The following CELF4 variants were observed in gnomAD, a reference collection of about 807,000 sequenced individuals.
CELF4 encodes CUGBP Elav-like family member 4.
CELF4 carries 18 observed loss-of-function variants against 59.9 expected under a neutral mutation model. The observed-to-expected ratio is 0.30, with a 90% CI of 0.21 to 0.45. The LOEUF (loss-of-function observed/expected upper bound fraction) is 0.45. CELF4 is among the 20% of genes least tolerant of loss of function. The pLI is 1.00. For synonymous variants in CELF4, 261 were observed against 267.1 expected, an observed-to-expected ratio of 0.98 and a Z score of 0.22; for missense variants, 456 against 689.0, an observed-to-expected ratio of 0.66 and a Z score of 3.79.
chr18:37,379,767 G>A (rs1323846353), intron 2 of CELF4, among the ~76,000 whole-genome samples: 1 of 152,168 alleles, frequency 6.6e-6, no homozygotes, highest in East Asian at 1.9e-4. Flanking sequence ...GAGCTGGAGA[G>A]GTTCTCCTGA....
At chr18:37,377,725 G>T (rs1309152957) in intron 2 of CELF4, among the ~76,000 whole-genome samples, 1 of 152,220 alleles carries the variant, frequency 6.6e-6, no homozygotes, top group Non-Finnish European at 1.5e-5. Context: ...TGCCTTTGGG[G>T]TTGGGGTCAG....
chr18:37,323,801 C>T (rs1352115522), intron 2 of CELF4, among the ~76,000 whole-genome samples: 2 of 152,182 alleles, frequency 1.3e-5, no homozygotes, highest in Non-Finnish European at 2.9e-5. Context: ...TTATATCCAT[C>T]TTTTCAATGA....
chr18:37,405,098 C>CCG (rs1557414472), intron 2 of CELF4, among the ~76,000 whole-genome samples: 5 of 152,174 alleles, frequency 3.3e-5, no homozygotes, highest in African/African-American at 1.2e-4. Context: ...CCCAACCCCC[C>CCG]CCGTGTCCTT....
intron 1 of CELF4, among the ~76,000 whole-genome samples, chr18:37,524,777 C>A (rs930298892): frequency 6.6e-6 from 1 of 152,182 alleles, no homozygotes; most frequent in African/African-American, 2.4e-5. Flanking sequence ...AGCCGCAGGC[C>A]GCTGGGGTGC....
intron 1 of CELF4, among the ~76,000 whole-genome samples, chr18:37,512,823 C>T (rs1452982804): frequency 6.6e-6 from 1 of 151,742 alleles, no homozygotes; most frequent in African/African-American, 2.4e-5. Flanking sequence ...TCTTGTTCTT[C>T]TTCCTCCTCT....
intron 1 of CELF4, among the ~76,000 whole-genome samples, chr18:37,543,388 G>A (rs1426850840): frequency 6.6e-6 from 1 of 152,190 alleles, no homozygotes; most frequent in African/African-American, 2.4e-5. Context: ...CCCCAAGCAG[G>A]TGAGGGACAC....
chr18:37,368,225 G>C (rs924797302), intron 2 of CELF4, among the ~76,000 whole-genome samples: 4 of 152,110 alleles, frequency 2.6e-5, no homozygotes, highest in Admixed American at 1.3e-4. Context: ...GCCCAACTTT[G>C]TGAGGCTTTG....
At chr18:37,390,574 G>A (rs1035626139) in intron 2 of CELF4, among the ~76,000 whole-genome samples, 1 of 152,130 alleles carries the variant, frequency 6.6e-6, no homozygotes, top group African/African-American at 2.4e-5. Context: ...ATGTGCTAGG[G>A]TGGAGGGGGC....
chr18:37,416,173 T>G (rs936504089), intron 2 of CELF4, among the ~76,000 whole-genome samples: 12 of 124,020 alleles, frequency 9.7e-5, no homozygotes, highest in Non-Finnish European at 2.0e-4. Flanking sequence ...TGGGGCCATT[T>G]GAGGTCATCC....
intron 2 of CELF4, among the ~76,000 whole-genome samples, chr18:37,396,861 C>A (rs1013060383): frequency 6.6e-6 from 1 of 152,194 alleles, no homozygotes; most frequent in African/African-American, 2.4e-5. Flanking sequence ...AGCCAAGAAC[C>A]TATCCTTTGT....
At chr18:37,460,270 A>G (rs2099789943) in intron 2 of CELF4, among the ~76,000 whole-genome samples, 9 of 152,194 alleles carry the variant, frequency 5.9e-5, no homozygotes, top group Admixed American at 5.9e-4. Context: ...GAGTTATTCA[A>G]ATAACTCCCT....
At chr18:37,495,877 G>A (rs1469232121) in intron 1 of CELF4, among the ~76,000 whole-genome samples, 5 of 152,110 alleles carry the variant, frequency 3.3e-5, no homozygotes, top group East Asian at 1.9e-4. Flanking sequence ...TGGGGGGTGC[G>A]ATGGGCTTCT....
chr18:37,297,290 C>T (rs1352402055), intron 3 of CELF4, among the ~76,000 whole-genome samples: 1 of 152,214 alleles, frequency 6.6e-6, no homozygotes, highest in Non-Finnish European at 1.5e-5. Flanking sequence ...CCTTGAATCC[C>T]ACCATTAGAG....
intron 2 of CELF4, among the ~76,000 whole-genome samples, chr18:37,383,679 T>G (rs1046697615): frequency 1.3e-5 from 2 of 152,180 alleles, no homozygotes; most frequent in African/African-American, 4.8e-5. Context: ...CTCGTTTGAT[T>G]CCCATGATAG....
intron 12 of CELF4, among the ~76,000 whole-genome samples, chr18:37,251,888 T>C (rs2065750596): frequency 6.6e-6 from 1 of 152,108 alleles, no homozygotes; most frequent in South Asian, 2.1e-4. Flanking sequence ...ACATGTGTGT[T>C]TGCATCTGGA....
chr18:37,368,694 G>A (rs1181848881), intron 2 of CELF4, among the ~76,000 whole-genome samples: 6 of 152,182 alleles, frequency 3.9e-5, no homozygotes, highest in South Asian at 4.1e-4. Context: ...TCACCTCAGC[G>A]TGCAAGGAGC....
intron 6 of CELF4, chr18:37,273,447 G>A: frequency 8.6e-7 from 1 of 1,160,336 alleles, no homozygotes; most frequent in South Asian, 3.1e-5. Context: ...GTGGGTGCTA[G>A]TCAGCCCTGT....
At chr18:37,413,366 A>T (rs1233220016) in intron 2 of CELF4, among the ~76,000 whole-genome samples, 1 of 151,840 alleles carries the variant, frequency 6.6e-6, no homozygotes, top group East Asian at 1.9e-4. Context: ...GGGGTGGTGG[A>T]ATGTCAGCAT....
At chr18:37,506,865 TC>T (rs1488451547) in intron 1 of CELF4, among the ~76,000 whole-genome samples, 2 of 152,172 alleles carry the variant, frequency 1.3e-5, no homozygotes, top group Non-Finnish European at 2.9e-5. Context: ...CTTCCTAAGC[TC>T]CCTTCCATCC....
Sources: gnomAD v4.1 joint callset for allele counts (sites outside exome capture counted in the v4.1 genomes callset) on GRCh38, gnomAD v4.1.1 for gene constraint, MANE v1.5 for transcripts, NCBI Gene and HGNC (gene_info 2026-07-23, HGNC 2026-07-21) for gene names.